ROBO1: variants seen among roughly 807,000 people sequenced by gnomAD.
ROBO1 encodes the protein roundabout homolog 1.
In ROBO1, 149 loss-of-function variants were observed where a neutral mutation model predicts 195.9. The ratio of observed to expected loss-of-function variants is 0.76; its 90% CI spans 0.67 to 0.87. The LOEUF is 0.87. Ranked by LOEUF, ROBO1 falls within the 40% of genes least tolerant of loss-of-function variation. The pLI is 0.00. For missense variants in ROBO1, 1,933 were observed against 2,068.3 expected, an observed-to-expected ratio of 0.93 and a Z score of 1.27; for synonymous variants, 816 against 733.2, an observed-to-expected ratio of 1.11 and a Z score of -1.82.
chr3:79,345,339 GA>G (rs1238201643), intron 2 of ROBO1, among the ~76,000 whole-genome samples: 3 of 152,096 alleles, frequency 2.0e-5, no homozygotes, highest in African/African-American at 7.2e-5. Context: ...CAGACCCTGA[GA>G]TGCCTTTGCT....
At chr3:79,500,063 C>T (rs1939974086) in intron 2 of ROBO1, among the ~76,000 whole-genome samples, 2 of 151,038 alleles carry the variant, frequency 1.3e-5, no homozygotes, top group Non-Finnish European at 1.5e-5. Context: ...CCACCTCAGC[C>T]TCTCAAAGTG....
chr3:79,537,539 C>A (rs1941919142), intron 2 of ROBO1, among the ~76,000 whole-genome samples: 1 of 152,222 alleles, frequency 6.6e-6, no homozygotes, highest in Non-Finnish European at 1.5e-5. Context: ...TTCAAAATGG[C>A]TGAAATATTT....
intron 22 of ROBO1, among the ~76,000 whole-genome samples, chr3:78,638,553 G>C (rs1307496159): frequency 6.6e-6 from 1 of 151,912 alleles, no homozygotes; most frequent in Non-Finnish European, 1.5e-5. Context: ...GATTAAATAT[G>C]ATTAAAGATT....
chr3:79,218,762 A>G (rs2082093476), intron 2 of ROBO1, among the ~76,000 whole-genome samples: 1 of 152,034 alleles, frequency 6.6e-6, no homozygotes, highest in Non-Finnish European at 1.5e-5. Context: ...TCATATTACT[A>G]AAAGAAACTT....
intron 3 of ROBO1, among the ~76,000 whole-genome samples, chr3:78,969,623 G>A (rs1233093659): frequency 6.6e-6 from 1 of 152,052 alleles, no homozygotes; most frequent in Non-Finnish European, 1.5e-5. Flanking sequence ...ATCTGAGTAC[G>A]CCTACTCAAT....
intron 3 of ROBO1, among the ~76,000 whole-genome samples, chr3:79,099,427 G>A (rs537590041): frequency 1.3e-5 from 2 of 151,844 alleles, no homozygotes; most frequent in South Asian, 4.2e-4. Context: ...GACAAAATAA[G>A]ACCTTTTGGA....
At chr3:78,793,413 GA>G (rs2084084761) in intron 4 of ROBO1, among the ~76,000 whole-genome samples, 1 of 152,150 alleles carries the variant, frequency 6.6e-6, no homozygotes, top group Admixed American at 6.5e-5. Context: ...GAGTAATTCT[GA>G]TAAACACTTT....
At chr3:79,572,503 G>A (rs1670513236) in intron 2 of ROBO1, among the ~76,000 whole-genome samples, 1 of 151,824 alleles carries the variant, frequency 6.6e-6, no homozygotes, top group Admixed American at 6.6e-5. Context: ...TAATAAACAT[G>A]TATTGTCCAT....
At chr3:79,757,569 T>C (rs1253765695) in intron 1 of ROBO1, among the ~76,000 whole-genome samples, 1 of 151,636 alleles carries the variant, frequency 6.6e-6, no homozygotes, top group Admixed American at 6.6e-5. Flanking sequence ...ATGCCCGAGC[T>C]TTGGGAGGCT....
Position 78,685,877 on chromosome 3 carries a change from C to T in ROBO1, c.1211G>A (p.Arg404Gln), listed in dbSNP as rs1423464396. ...FSYQPPQSSSRFSVSQTGDLT... is the reference protein window; with the variant it reads ...FSYQPPQSSSQFSVSQTGDLT... Reference sequence around the variant, plus strand: ...GTCGCCAGTCTGGGAGACTGAAAATCGGCTGGATGACTGTGGTGGTTGATA... The same window carrying T: ...GTCGCCAGTCTGGGAGACTGAAAATTGGCTGGATGACTGTGGTGGTTGATA... The change falls in exon 10 of 31, where the codon CGA becomes CAA. Residue 404 changes from arginine (R) to glutamine (Q), a missense_variant. Transcript: ENST00000464233. The T allele has an allele frequency of 6.2e-6, 10 of 1,605,936 alleles. No homozygotes were observed. The highest frequency in any genetic ancestry group is 3.4e-5 in the Admixed American group (2 of 59,082).
intron 11 of ROBO1, among the ~76,000 whole-genome samples, chr3:78,669,789 G>A (rs141383593): frequency 3.8e-4 from 58 of 152,150 alleles, no homozygotes; most frequent in Non-Finnish European, 7.5e-4. Flanking sequence ...GGACTGCTTC[G>A]TACCACTACT....
intron 1 of ROBO1, among the ~76,000 whole-genome samples, chr3:79,597,018 T>A (rs925127694): frequency 2.0e-5 from 3 of 151,824 alleles, no homozygotes; most frequent in African/African-American, 7.3e-5. Context: ...AACAGTTTGG[T>A]GAGAAAAAAG....
chr3:79,475,577 T>G (rs1005904691), intron 2 of ROBO1, among the ~76,000 whole-genome samples: 1 of 151,940 alleles, frequency 6.6e-6, no homozygotes, highest in Non-Finnish European at 1.5e-5. Flanking sequence ...CAAAAAAACT[T>G]GGAGGAGAGT....
At chr3:78,629,445 A>G (rs1705037818) in intron 25 of ROBO1, among the ~76,000 whole-genome samples, 1 of 152,144 alleles carries the variant, frequency 6.6e-6, no homozygotes, top group South Asian at 2.1e-4. Flanking sequence ...CAATCCCAGC[A>G]CTTTGGGAGG....
chr3:79,064,710 C>T (rs1328756946), intron 3 of ROBO1, among the ~76,000 whole-genome samples: 3 of 151,774 alleles, frequency 2.0e-5, no homozygotes, highest in African/African-American at 7.3e-5. Context: ...AACAAAACTC[C>T]CTGTTGGCTT....
chr3:79,580,670 T>A (rs951377320), intron 2 of ROBO1, among the ~76,000 whole-genome samples: 5 of 152,120 alleles, frequency 3.3e-5, no homozygotes, highest in African/African-American at 1.2e-4. Context: ...TTAAATATAT[T>A]CACTGATATT....
In ROBO1 at chr3:78,714,538, A is replaced by G; in HGVS notation, c.918-14T>C. 2 of 1,605,964 alleles carry G rather than the reference A, an allele frequency of 1.2e-6. No individual in the cohort carries two copies. The highest frequency in any genetic ancestry group is 8.5e-7 in the Non-Finnish European group (1 of 1,176,520). ...CGGATTTCATATCTAATGACATAAC[A>G]AAAGAAAGCACAGTTAAGTGACTTT... On this transcript the variant is annotated splice_polypyrimidine_tract_variant and intron_variant, in intron 7 of 30. Coordinates refer to ENST00000464233, the MANE Select transcript of ROBO1 (RefSeq NM_002941.4).
At chr3:78,728,982 C>G (rs1349295683) in intron 5 of ROBO1, among the ~76,000 whole-genome samples, 1 of 152,178 alleles carries the variant, frequency 6.6e-6, no homozygotes, top group Non-Finnish European at 1.5e-5. Flanking sequence ...AGAGAAGCAA[C>G]AAGAGACTTA....
chr3:78,813,826 G>T (rs1452833377), intron 4 of ROBO1, among the ~76,000 whole-genome samples: 1 of 151,982 alleles, frequency 6.6e-6, no homozygotes, highest in African/African-American at 2.4e-5. Context: ...TACAGGCAAA[G>T]CTTGCTTGAT....
Sources: gnomAD v4.1 joint callset for allele counts (sites outside exome capture counted in the v4.1 genomes callset) on GRCh38, gnomAD v4.1.1 for gene constraint, MANE v1.5 for transcripts, NCBI Gene and HGNC (gene_info 2026-07-23, HGNC 2026-07-21) for gene names.